Variants in PTPRQ observed in about 807,000 individuals in gnomAD.
PTPRQ encodes phosphatidylinositol phosphatase PTPRQ.
A neutral mutation model predicts 246.0 loss-of-function variants in PTPRQ; 199 were observed. The observed-to-expected ratio is 0.81, with a 90% CI of 0.72 to 0.91. PTPRQ has a LOEUF of 0.91. PTPRQ is among the 40% of genes least tolerant of loss of function. The pLI, the probability that PTPRQ is intolerant of heterozygous loss-of-function variation, is 0.00. For synonymous variants in PTPRQ, 869 were observed against 853.2 expected (o/e 1.02, Z -0.32); for missense variants, 2,624 against 2,528.4 (o/e 1.04, Z -0.81).
intron 25 of PTPRQ, among the ~76,000 whole-genome samples, chr12:80,558,070 T>TCCCTTCCCTC (rs1334327426): frequency 1.3e-5 from 2 of 149,688 alleles, no homozygotes; most frequent in African/African-American, 2.4e-5. Flanking sequence ...TTCCTTCCCT[T>TCCCTTCCCTC]CCCTTCCCTC....
rs145458285 is a variant in PTPRQ at position 80,563,383 on chromosome 12, C to T, written c.4285+13649C>T. 3.9e-4 allele frequency among the ~76,000 whole-genome samples: 59 copies of T among 151,838 alleles called. 1 individual carries two copies. In the East Asian group the frequency reaches 0.01, roughly 26 times the overall value. On this transcript the variant is annotated intron_variant, in intron 25 of 44. Coordinates refer to ENST00000644991, the MANE Select transcript of PTPRQ (RefSeq NM_001145026.2). ...TAATCCCACTCGTGAGGGCAGAGCC[C>T]TCATGAGCTAATCCCACTCATAAGG...
chr12:80,503,474 G>T (rs1175521223), intron 14 of PTPRQ, among the ~76,000 whole-genome samples: 1 of 151,608 alleles, frequency 6.6e-6, no homozygotes, highest in East Asian at 1.9e-4. Flanking sequence ...ATCAAGGGGA[G>T]GGACACTGTA....
At chr12:80,526,651 TC>T (rs1353177694) in intron 17 of PTPRQ, among the ~76,000 whole-genome samples, 4 of 152,120 alleles carry the variant, frequency 2.6e-5, no homozygotes, top group Admixed American at 2.6e-4. Flanking sequence ...GAAATTATGT[TC>T]TTTGGGGAGA....
intron 3 of PTPRQ, among the ~76,000 whole-genome samples, chr12:80,449,677 G>A (rs1332424054): frequency 6.6e-6 from 1 of 152,032 alleles, no homozygotes; most frequent in Non-Finnish European, 1.5e-5. Context: ...TCAAAGATCA[G>A]ATAGTTGTAG....
chr12:80,570,710 G>T (rs1897121141), intron 25 of PTPRQ, among the ~76,000 whole-genome samples: 1 of 152,072 alleles, frequency 6.6e-6, no homozygotes, highest in Admixed American at 6.6e-5. Flanking sequence ...GGGTTTTTAG[G>T]GTTTTAGGTT....
chr12:80,494,923 A>C lies in PTPRQ; in HGVS notation c.1541-10A>C. The C allele has an allele frequency of 6.6e-7, 1 of 1,520,724 alleles. No homozygotes were observed. The highest frequency in any genetic ancestry group is 8.8e-7 in the Non-Finnish European group (1 of 1,132,698). The allele number at this position is 1,520,724 out of a possible 1,614,324, so 94.2% of individuals were successfully genotyped here. On this transcript the variant is annotated splice_polypyrimidine_tract_variant and intron_variant, in intron 10 of 44. Transcript: ENST00000644991. ...CTTTCTTTTTTTCTCTTTTTACTGAATTCAAACAGTAACTACAAGGAATCA... is the reference window on the plus strand; with the variant it reads ...CTTTCTTTTTTTCTCTTTTTACTGACTTCAAACAGTAACTACAAGGAATCA...
intron 26 of PTPRQ, among the ~76,000 whole-genome samples, chr12:80,589,750 T>C (rs1416145440): frequency 3.9e-5 from 6 of 152,212 alleles, no homozygotes; most frequent in Non-Finnish European, 7.3e-5. Flanking sequence ...CTTTTCTCTT[T>C]CTGGCACTTT....
chr12:80,543,542 C>G lies in PTPRQ; in HGVS notation c.3873+661C>G, dbSNP rs529358589. 9.0e-4 allele frequency among the ~76,000 whole-genome samples: 136 copies of G among 151,784 alleles called. 3 individuals are homozygous for G. Among genetic ancestry groups the G allele is most frequent in the African/African-American group, 3.2e-3 (131 of 41,444 alleles). ...AAGAAAAGTTTCTTATTTTTTTCCCCAAAGGCAAATGAAGTCCTGGAATGT... is the reference window on the plus strand; with the variant it reads ...AAGAAAAGTTTCTTATTTTTTTCCCGAAAGGCAAATGAAGTCCTGGAATGT... On this transcript the variant is annotated intron_variant, in intron 23 of 44. Coordinates refer to ENST00000644991, the MANE Select transcript of PTPRQ (RefSeq NM_001145026.2).
In PTPRQ at chr12:80,460,654, A is replaced by G. The variant is rs1282735378; in HGVS notation, c.662A>G (p.Glu221Gly). The change falls in exon 6 of 45, where the codon GAG (glutamate) becomes GGG (glycine). Residue 221 changes from glutamate (E) to glycine (G), a missense_variant and splice_region_variant. Physicochemically the swap from Glu to Gly is moderately conservative, Grantham distance 98. Coordinates refer to ENST00000644991, the MANE Select transcript of PTPRQ (RefSeq NM_001145026.2). ...ILTGKLPECN[E>G]NSESFLWSTA... Reference sequence around the variant, plus strand: ...TATTGATCTTATTTTATTTACTAGGAGAATAGTGAATCTTTTTTATGGAGT... The same window carrying G: ...TATTGATCTTATTTTATTTACTAGGGGAATAGTGAATCTTTTTTATGGAGT... 1 of 398,494 alleles carries G rather than the reference A, an allele frequency of 2.5e-6. No homozygotes were observed. Among genetic ancestry groups the G allele is most frequent in the African/African-American group, 2.1e-5 (1 of 48,616 alleles). The allele number at this position is 398,494 out of a possible 1,614,324, so 24.7% of individuals were successfully genotyped here.
intron 14 of PTPRQ, among the ~76,000 whole-genome samples, chr12:80,497,169 T>C (rs1425917297): frequency 6.6e-6 from 1 of 151,920 alleles, no homozygotes; most frequent in Non-Finnish European, 1.5e-5. Context: ...TCTATTATTA[T>C]TACATTGTAA....
Position 80,619,507 on chromosome 12 carries a change from T to TA in PTPRQ, c.5360dup (p.Asn1787LysfsTer14). The stretch of plus-strand genomic sequence containing the variant: ...TACTACAGTGATGATCATGGACCAA[T>TA]AAAAAATGTACAAGTGCTTGTGACA... On this transcript the variant is annotated frameshift_variant, in exon 31 of 45. Coordinates refer to ENST00000644991, the MANE Select transcript of PTPRQ (RefSeq NM_001145026.2). LOFTEE classifies it high-confidence loss of function. The TA allele has an allele frequency of 6.5e-7, 1 of 1,539,796 alleles. No homozygotes were observed. Among genetic ancestry groups the TA allele is most frequent in the Non-Finnish European group, 8.8e-7 (1 of 1,140,476 alleles).
At chr12:80,551,421 A>G (rs887905704) in intron 25 of PTPRQ, among the ~76,000 whole-genome samples, 4 of 152,140 alleles carry the variant, frequency 2.6e-5, no homozygotes, top group African/African-American at 9.7e-5. Flanking sequence ...GCTTCCTGTA[A>G]TAACATCTTA....
intron 8 of PTPRQ, among the ~76,000 whole-genome samples, chr12:80,473,320 C>T (rs1893712764): frequency 6.6e-6 from 1 of 152,086 alleles, no homozygotes; most frequent in Non-Finnish European, 1.5e-5. Flanking sequence ...CTTTGTGTTT[C>T]TATCAGAAGA....
At chr12:80,500,124 C>T (rs1047576822) in intron 14 of PTPRQ, among the ~76,000 whole-genome samples, 1 of 151,912 alleles carries the variant, frequency 6.6e-6, no homozygotes, top group Non-Finnish European at 1.5e-5. Flanking sequence ...TACATTAAAG[C>T]TTTATATGCC....
At chr12:80,446,821 G>A (rs570658785) in intron 3 of PTPRQ, among the ~76,000 whole-genome samples, 43 of 151,962 alleles carry the variant, frequency 2.8e-4, no homozygotes, top group Non-Finnish European at 4.7e-4. Context: ...TTACCCATAT[G>A]ATAGATACTT....
intron 14 of PTPRQ, among the ~76,000 whole-genome samples, chr12:80,501,482 T>C (rs1894797175): frequency 6.6e-6 from 1 of 151,872 alleles, no homozygotes; most frequent in Non-Finnish European, 1.5e-5. Flanking sequence ...AGTGCCATTA[T>C]GAAGGCAGTT....
At chr12:80,678,890 A>G in intron 44 of PTPRQ, 96 bp from the exon 45 acceptor site, 17 of 1,456,378 alleles carry the variant, frequency 1.2e-5, no homozygotes, top group Non-Finnish European at 1.5e-5. Context: ...GGCTAATAAT[A>G]CCCTTTCTGT....
In PTPRQ at chr12:80,506,208, T is replaced by C. The variant is rs1020869546; in HGVS notation, c.2455+2T>C. The stretch of plus-strand genomic sequence containing the variant: ...CCTCTTTAACCCAAAACATTAAAGG[T>C]AAAAGAACAAATCTAATATTGGATA... On this transcript the variant is annotated splice_donor_variant, in intron 15 of 44. Coordinates refer to ENST00000644991, the MANE Select transcript of PTPRQ (RefSeq NM_001145026.2). LOFTEE classifies it high-confidence loss of function. The C allele has an allele frequency of 3.0e-5, 44 of 1,467,844 alleles. No individual in the cohort carries two copies. Among genetic ancestry groups the C allele is most frequent in the Non-Finnish European group, 4.0e-5 (44 of 1,108,672 alleles). 90.9% of individuals were successfully genotyped at this position (1,467,844 alleles called of 1,614,324 possible). A position where few individuals can be genotyped will look rare whatever the true frequency, so the allele number is the denominator to read the frequency against.
In PTPRQ at chr12:80,551,761, C is replaced by T. The variant is rs766791039; in HGVS notation, c.4285+2027C>T. 4.6e-5 allele frequency among the ~76,000 whole-genome samples: 7 copies of T among 151,926 alleles called. No homozygotes were observed. The South Asian group carries it at 1.5e-3, about 32-fold the overall frequency. Reference sequence around the variant, plus strand: ...CTTATATCCTTTTATTGTATCTTCTCATATAGCTGATGTCTCCAGCCAAAC... The same window carrying T: ...CTTATATCCTTTTATTGTATCTTCTTATATAGCTGATGTCTCCAGCCAAAC... On this transcript the variant is annotated intron_variant, in intron 25 of 44. Coordinates refer to ENST00000644991, the MANE Select transcript of PTPRQ (RefSeq NM_001145026.2).
Sources: allele counts gnomAD v4.1 joint callset (sites outside exome capture counted in the v4.1 genomes callset), GRCh38; gene constraint gnomAD v4.1.1; transcripts MANE v1.5; gene names NCBI Gene and HGNC (gene_info 2026-07-23, HGNC 2026-07-21).